SLC25A21: variants seen among roughly 807,000 people sequenced by gnomAD.
SLC25A21 encodes the protein mitochondrial 2-oxodicarboxylate carrier.
In SLC25A21, 47 loss-of-function variants were observed where a neutral mutation model predicts 43.8. The observed-to-expected ratio is 1.07, with a 90% CI of 0.85 to 1.37. The LOEUF (loss-of-function observed/expected upper bound fraction) is 1.37. Among genes scored for constraint, SLC25A21 ranks in the 40% most tolerant of loss-of-function variants. The pLI is 0.00. For missense variants in SLC25A21, 352 were observed against 350.2 expected (o/e 1.00, Z -0.04); for synonymous variants, 131 against 121.3 (o/e 1.08, Z -0.52).
chr14:36,680,146 CT>C lies in SLC25A21; in HGVS notation c.*511del. On this transcript the variant is annotated 3_prime_UTR_variant, in exon 10 of 10. Coordinates refer to ENST00000331299, the MANE Select transcript of SLC25A21 (RefSeq NM_030631.4). ...ATTCTTAAAAGGTCATTTTAGTGCA[CT>C]TTAAAAAATTTTTCTTGTGCTCTTT... 2.3e-6 allele frequency: 2 copies of C among 858,084 alleles called. No individual in the cohort carries two copies. The highest frequency in any genetic ancestry group is 2.8e-6 in the Non-Finnish European group (2 of 714,922). The allele number at this position is 858,084 out of a possible 1,614,324, so 53.2% of individuals were successfully genotyped here.
intron 1 of SLC25A21, among the ~76,000 whole-genome samples, chr14:36,975,865 G>C (rs1447533073): frequency 2.0e-5 from 3 of 152,214 alleles, no homozygotes; most frequent in Non-Finnish European, 4.4e-5. Flanking sequence ...AAGACACCCT[G>C]CAGAAGTAGA....
At chr14:36,698,963 C>T (rs1449574735) in intron 7 of SLC25A21, among the ~76,000 whole-genome samples, 3 of 152,166 alleles carry the variant, frequency 2.0e-5, no homozygotes, top group Non-Finnish European at 4.4e-5. Flanking sequence ...TGTTCTGTTG[C>T]TGGCAAGGAG....
intron 7 of SLC25A21, among the ~76,000 whole-genome samples, chr14:36,707,302 T>C (rs1157461855): frequency 1.3e-5 from 2 of 152,200 alleles, no homozygotes; most frequent in East Asian, 1.9e-4. Flanking sequence ...TGTTTACTTG[T>C]TTTTGTCTGT....
At chr14:36,941,056 T>C (rs577029279) in intron 1 of SLC25A21, among the ~76,000 whole-genome samples, 2 of 152,226 alleles carry the variant, frequency 1.3e-5, no homozygotes, top group African/African-American at 4.8e-5. Context: ...TTATGCAGTA[T>C]ATATTATATC....
At chr14:36,711,241 G>A (rs917831630) in intron 7 of SLC25A21, 77 bp downstream of exon 7, 7 of 1,369,342 alleles carry the variant, frequency 5.1e-6, no homozygotes, top group Non-Finnish European at 7.2e-6. Flanking sequence ...GACCAGGACA[G>A]GATAAACATT....
rs191960769 is a variant in SLC25A21, at chr14:37,164,970, A to G, written c.70+7311T>C. ...TGAACTGTGTTTAGTGCAAGATTGG[A>G]AAACTTGTTTCCAGAAAACTTTGAA... On this transcript the variant is annotated intron_variant, in intron 1 of 9. Coordinates refer to ENST00000331299, the MANE Select transcript of SLC25A21 (RefSeq NM_030631.4). 7.2e-5 allele frequency among the ~76,000 whole-genome samples: 11 copies of G among 152,372 alleles called. No individual in the cohort carries two copies. The East Asian group carries it at 2.1e-3, about 29-fold the overall frequency.
chr14:36,793,865 C>T (rs1479852933), intron 3 of SLC25A21, among the ~76,000 whole-genome samples: 1 of 145,564 alleles, frequency 6.9e-6, no homozygotes, highest in African/African-American at 2.6e-5. Flanking sequence ...GAAACTTCGT[C>T]AACTCACACA....
chr14:36,757,705 C>A (rs1463769985), intron 3 of SLC25A21, among the ~76,000 whole-genome samples: 1 of 152,192 alleles, frequency 6.6e-6, no homozygotes, highest in Admixed American at 6.5e-5. Flanking sequence ...TTTCTACATT[C>A]TGCTTATATT....
At chr14:36,900,511 CTCCTT>C (rs1322905627) in intron 1 of SLC25A21, among the ~76,000 whole-genome samples, 4 of 152,190 alleles carry the variant, frequency 2.6e-5, no homozygotes, top group Non-Finnish European at 5.9e-5. Flanking sequence ...AATTAACTGA[CTCCTT>C]TCCACACTAC....
chr14:36,710,784 CATT>C (rs556980500), intron 7 of SLC25A21, among the ~76,000 whole-genome samples: 2 of 152,050 alleles, frequency 1.3e-5, no homozygotes, highest in East Asian at 1.9e-4. Context: ...TAATTATCAT[CATT>C]GTTATTTTGC....
At chr14:36,954,488 C>CAT (rs545077548) in intron 1 of SLC25A21, among the ~76,000 whole-genome samples, 61 of 140,034 alleles carry the variant, frequency 4.4e-4, no homozygotes, top group East Asian at 1.8e-3. Context: ...CACATACATA[C>CAT]ATATATATAT....
rs142130946 is a variant in SLC25A21 at position 36,954,660 on chromosome 14, C to T, written c.71-79656G>A. On this transcript the variant is annotated intron_variant, in intron 1 of 9. Transcript: ENST00000331299. ...ATGTATTGTATTTTCAAAATCGCTA[C>T]GAGAGTAGATTTTAAGTATTGTCAC... Among the ~76,000 whole-genome samples, 1,063 of 152,024 alleles carry T rather than the reference C, an allele frequency of 7.0e-3. 18 individuals are homozygous for T. Among genetic ancestry groups the T allele is most frequent in the African/African-American group, 0.024 (994 of 41,450 alleles).
At chr14:36,879,120 C>G (rs1890633979) in intron 1 of SLC25A21, among the ~76,000 whole-genome samples, 1 of 152,124 alleles carries the variant, frequency 6.6e-6, no homozygotes, top group African/African-American at 2.4e-5. Flanking sequence ...GATAAAATGT[C>G]TTCAAGTCAT....
At chr14:36,942,702 T>C (rs1412279389) in intron 1 of SLC25A21, among the ~76,000 whole-genome samples, 2 of 152,162 alleles carry the variant, frequency 1.3e-5, no homozygotes, top group Admixed American at 6.5e-5. Flanking sequence ...TCCCTTGATA[T>C]GTTCTGCCAA....
chr14:37,164,372 A>G (rs905794399), intron 1 of SLC25A21, among the ~76,000 whole-genome samples: 1 of 152,088 alleles, frequency 6.6e-6, no homozygotes, highest in Non-Finnish European at 1.5e-5. Flanking sequence ...CTCCCTAATT[A>G]CCCAGATAAT....
chr14:37,156,789 G>T (rs187728001), intron 1 of SLC25A21, among the ~76,000 whole-genome samples: 2 of 152,154 alleles, frequency 1.3e-5, no homozygotes, highest in Admixed American at 1.3e-4. Flanking sequence ...AAGCAAATAA[G>T]ACTAGATCTA....
At chr14:36,807,475 G>T (rs1448011099) in intron 3 of SLC25A21, among the ~76,000 whole-genome samples, 1 of 152,110 alleles carries the variant, frequency 6.6e-6, no homozygotes, top group Non-Finnish European at 1.5e-5. Context: ...TCATGGCTGT[G>T]GGAAGAGTCA....
intron 1 of SLC25A21, among the ~76,000 whole-genome samples, chr14:36,988,747 T>G (rs759935601): frequency 2.0e-4 from 31 of 152,218 alleles, no homozygotes; most frequent in Admixed American, 1.4e-3. Context: ...TTCTGATTCA[T>G]GGCCACAGTT....
intron 2 of SLC25A21, among the ~76,000 whole-genome samples, chr14:36,824,965 A>G (rs968380258): frequency 6.6e-6 from 1 of 152,022 alleles, no homozygotes; most frequent in Non-Finnish European, 1.5e-5. Context: ...ACATCTTTGT[A>G]GGAGGTTTTA....
Sources: allele counts gnomAD v4.1 joint callset (sites outside exome capture counted in the v4.1 genomes callset), GRCh38; gene constraint gnomAD v4.1.1; transcripts MANE v1.5; gene names NCBI Gene and HGNC (gene_info 2026-07-23, HGNC 2026-07-21).